SNTG1: variants seen among roughly 807,000 people sequenced by gnomAD.
The protein encoded by SNTG1 is gamma-1-syntrophin.
Under a neutral mutation model 74.7 loss-of-function variants are expected in SNTG1, and 39 were observed. That is an observed-to-expected ratio of 0.52 (90% CI 0.40 to 0.68). SNTG1 has a LOEUF of 0.68. Ranked by LOEUF, SNTG1 falls within the 30% of genes least tolerant of loss-of-function variation. SNTG1 has a pLI of 0.00. For missense variants in SNTG1, 685 were observed against 609.5 expected (o/e 1.12, Z -1.30); for synonymous variants, 254 against 217.1 (o/e 1.17, Z -1.49).
intron 8 of SNTG1, among the ~76,000 whole-genome samples, chr8:50,463,905 TTCA>T (rs2093588188): frequency 6.6e-6 from 1 of 152,208 alleles, no homozygotes; most frequent in Non-Finnish European, 1.5e-5. Flanking sequence ...TGTAGTCACC[TTCA>T]TCATTTATCT....
intron 2 of SNTG1, among the ~76,000 whole-genome samples, chr8:50,293,218 C>G (rs1234295652): frequency 6.6e-6 from 1 of 152,134 alleles, no homozygotes; most frequent in African/African-American, 2.4e-5. Flanking sequence ...CCCTGTGATT[C>G]TGAAGGCTAG....
chr8:50,026,188 T>G (rs1817247308), intron 1 of SNTG1, among the ~76,000 whole-genome samples: 1 of 152,206 alleles, frequency 6.6e-6, no homozygotes, highest in Admixed American at 6.5e-5. Flanking sequence ...CAAGCTCAGT[T>G]TCTAGATTGA....
At chr8:50,108,051 G>A (rs1181789635) in intron 1 of SNTG1, among the ~76,000 whole-genome samples, 1 of 151,418 alleles carries the variant, frequency 6.6e-6, no homozygotes, top group African/African-American at 2.4e-5. Context: ...ACCTGTGTAG[G>A]TCTTTTGCTG....
At chr8:50,215,315 A>C (rs1192815136) in intron 2 of SNTG1, among the ~76,000 whole-genome samples, 2 of 151,082 alleles carry the variant, frequency 1.3e-5, no homozygotes, top group South Asian at 2.1e-4. Context: ...GAAGAACAAG[A>C]CATTTTAATA....
intron 2 of SNTG1, among the ~76,000 whole-genome samples, chr8:50,210,973 CT>C (rs1460816203): frequency 3.3e-5 from 5 of 152,106 alleles, no homozygotes; most frequent in Non-Finnish European, 5.9e-5. Context: ...CAAAATACCC[CT>C]GCAATGAGTG....
chr8:50,596,148 C>A (rs2094725718), intron 13 of SNTG1, among the ~76,000 whole-genome samples: 2 of 151,938 alleles, frequency 1.3e-5, no homozygotes, highest in African/African-American at 4.8e-5. Context: ...TTTGGACATT[C>A]TAATAGATGT....
At chr8:50,170,968 C>T (rs951536021) in intron 1 of SNTG1, among the ~76,000 whole-genome samples, 5 of 152,154 alleles carry the variant, frequency 3.3e-5, no homozygotes, top group African/African-American at 1.2e-4. Flanking sequence ...GGAGCTCCCA[C>T]CTGATCGATC....
At chr8:49,932,989 AT>A (rs3055011) in intron 1 of SNTG1, among the ~76,000 whole-genome samples, 4,100 of 152,072 alleles carry the variant, frequency 0.027, 175 homozygotes, top group African/African-American at 0.09. Flanking sequence ...CCATTGTATG[AT>A]TTTTTTACCA....
At chr8:50,243,989 T>C (rs1218830045) in intron 2 of SNTG1, among the ~76,000 whole-genome samples, 1 of 152,116 alleles carries the variant, frequency 6.6e-6, no homozygotes, top group Non-Finnish European at 1.5e-5. Flanking sequence ...TACCTGAGAC[T>C]GGGTGATTTA....
rs1173962429 is a variant in SNTG1 at position 50,795,023 on chromosome 8, TAC to T, written c.*2203_*2204del. 1 of 151,394 alleles carries T rather than the reference TAC, an allele frequency of 6.6e-6. No homozygotes were observed. The highest frequency in any genetic ancestry group is 2.4e-5 in the African/African-American group (1 of 41,234). The allele number at this position is 151,394 out of a possible 1,614,324, so 9.4% of individuals were successfully genotyped here. On this transcript the variant is annotated 3_prime_UTR_variant, in exon 19 of 19. Transcript: ENST00000642720. ...TATAAATATATATCTCCTCAGAGAA[TAC>T]ACACACACCTACATATGTATTTATA... is the stretch of plus-strand genomic sequence containing the variant.
chr8:49,940,156 G>T (rs916016597), intron 1 of SNTG1, among the ~76,000 whole-genome samples: 2 of 152,126 alleles, frequency 1.3e-5, no homozygotes, highest in Non-Finnish European at 2.9e-5. Context: ...CCTTGAGGTG[G>T]CAGGATGGCA....
intron 2 of SNTG1, among the ~76,000 whole-genome samples, chr8:50,372,814 C>G (rs75982920): frequency 0.05 from 7,647 of 151,924 alleles, 256 homozygotes; most frequent in Non-Finnish European, 0.071. Context: ...ATAGTATATC[C>G]CAAGAAACTG....
chr8:50,431,551 TG>T (rs1210514528), intron 4 of SNTG1, among the ~76,000 whole-genome samples: 4 of 152,208 alleles, frequency 2.6e-5, no homozygotes, highest in Admixed American at 2.6e-4. Flanking sequence ...TCAAATTATT[TG>T]GGTAAAGACC....
At chr8:50,228,037 A>G (rs939162984) in intron 2 of SNTG1, among the ~76,000 whole-genome samples, 2 of 151,786 alleles carry the variant, frequency 1.3e-5, no homozygotes, top group Non-Finnish European at 2.9e-5. Flanking sequence ...TATCAAATGG[A>G]GAATTTAAAA....
intron 15 of SNTG1, among the ~76,000 whole-genome samples, chr8:50,685,151 G>A (rs904786894): frequency 6.6e-6 from 1 of 152,184 alleles, no homozygotes; most frequent in African/African-American, 2.4e-5. Context: ...AAAGGGGCAT[G>A]TTAGAAGAAC....
intron 1 of SNTG1, among the ~76,000 whole-genome samples, chr8:49,974,348 T>C (rs1296612771): frequency 6.6e-6 from 1 of 152,218 alleles, no homozygotes; most frequent in Non-Finnish European, 1.5e-5. Flanking sequence ...TATATTTTAT[T>C]TGCTTCTTTG....
intron 13 of SNTG1, among the ~76,000 whole-genome samples, chr8:50,656,175 C>T (rs1439897074): frequency 6.6e-6 from 1 of 152,102 alleles, no homozygotes; most frequent in African/African-American, 2.4e-5. Flanking sequence ...TTGAATGCCA[C>T]ATGAATATGT....
chr8:50,517,348 A>G (rs888742446), intron 9 of SNTG1, among the ~76,000 whole-genome samples: 2 of 152,188 alleles, frequency 1.3e-5, no homozygotes, highest in Non-Finnish European at 2.9e-5. Flanking sequence ...AGTATACCAA[A>G]TTGTAAAGAC....
intron 13 of SNTG1, among the ~76,000 whole-genome samples, chr8:50,650,739 T>C (rs2095139857): frequency 6.6e-6 from 1 of 152,190 alleles, no homozygotes; most frequent in South Asian, 2.1e-4. Context: ...TCTCACTCTG[T>C]TGCCCAGCTG....
Sources: gnomAD v4.1 joint callset for allele counts (sites outside exome capture counted in the v4.1 genomes callset) on GRCh38, gnomAD v4.1.1 for gene constraint, MANE v1.5 for transcripts, NCBI Gene and HGNC (gene_info 2026-07-23, HGNC 2026-07-21) for gene names.